Variants in GFRAL observed in about 807,000 individuals in gnomAD.
GFRAL encodes the protein GDNF family receptor alpha like.
In GFRAL, 36 loss-of-function variants were observed where a neutral mutation model predicts 45.4. The observed-to-expected ratio is 0.79, with a 90% CI of 0.61 to 1.05. The LOEUF is 1.05. Ranked by LOEUF, GFRAL falls within the 50% of genes least tolerant of loss-of-function variation. GFRAL has a pLI of 0.00. For synonymous variants in GFRAL, 166 were observed against 154.1 expected, an observed-to-expected ratio of 1.08 and a Z score of -0.57; for missense variants, 507 against 467.5, an observed-to-expected ratio of 1.08 and a Z score of -0.78.
chr6:55,345,894 A>G (rs968487257), intron 3 of GFRAL, among the ~76,000 whole-genome samples: 3 of 152,242 alleles, frequency 2.0e-5, no homozygotes, highest in Admixed American at 2.0e-4. Flanking sequence ...ATGAACAGAC[A>G]CTTCTCAAAA....
At chr6:55,334,439 C>T (rs1232907408) in intron 3 of GFRAL, among the ~76,000 whole-genome samples, 1 of 152,154 alleles carries the variant, frequency 6.6e-6, no homozygotes, top group African/African-American at 2.4e-5. Context: ...GGCTAATACA[C>T]TGGAGTAGGG....
intron 1 of GFRAL, among the ~76,000 whole-genome samples, chr6:55,329,369 G>A (rs1258783504): frequency 6.6e-6 from 1 of 152,120 alleles, no homozygotes; most frequent in Non-Finnish European, 1.5e-5. Flanking sequence ...AAGACAACAT[G>A]TAGTATTTCT....
At chr6:55,334,816 TTTTG>T (rs1367129443) in intron 3 of GFRAL, among the ~76,000 whole-genome samples, 3 of 152,192 alleles carry the variant, frequency 2.0e-5, no homozygotes, top group African/African-American at 7.2e-5. Flanking sequence ...ATTCAGTTTA[TTTTG>T]TTTAACATAA....
chr6:55,371,200 A>C (rs1431124656), intron 6 of GFRAL, among the ~76,000 whole-genome samples: 1 of 152,174 alleles, frequency 6.6e-6, no homozygotes, highest in African/African-American at 2.4e-5. Context: ...GTATGGCCCA[A>C]ATATTACAAT....
At chr6:55,353,516 A>C (rs770553095) in intron 5 of GFRAL, among the ~76,000 whole-genome samples, 1 of 151,768 alleles carries the variant, frequency 6.6e-6, no homozygotes, top group Admixed American at 6.6e-5. Flanking sequence ...GTATTCAAGA[A>C]TTTTTCATGC....
chr6:55,401,610 T>C (rs1343401349), intron 8 of GFRAL, among the ~76,000 whole-genome samples, 180 bp from the exon 9 acceptor site: 1 of 152,190 alleles, frequency 6.6e-6, no homozygotes, highest in Non-Finnish European at 1.5e-5. Flanking sequence ...ACATCATAGT[T>C]AAAGGTGTGA....
At chr6:55,392,659 A>G (rs1768768882) in intron 6 of GFRAL, among the ~76,000 whole-genome samples, 1 of 152,128 alleles carries the variant, frequency 6.6e-6, no homozygotes, top group Non-Finnish European at 1.5e-5. Flanking sequence ...TTCAAACCTC[A>G]GGGTGAAAAG....
intron 3 of GFRAL, among the ~76,000 whole-genome samples, chr6:55,338,588 A>C (rs1244878182): frequency 6.6e-6 from 1 of 152,168 alleles, no homozygotes; most frequent in Non-Finnish European, 1.5e-5. Flanking sequence ...ACATACACAC[A>C]CAGACAAAGT....
intron 6 of GFRAL, among the ~76,000 whole-genome samples, chr6:55,373,483 G>A (rs1768480888): frequency 6.6e-6 from 1 of 152,066 alleles, no homozygotes; most frequent in Non-Finnish European, 1.5e-5. Flanking sequence ...GATTTCTCAT[G>A]TACTTGCTTT....
chr6:55,351,209 T>G (rs1768111304), intron 4 of GFRAL, 44 bp from the exon 5 acceptor site: 1 of 1,346,104 alleles, frequency 7.4e-7, no homozygotes, highest in Non-Finnish European at 1.0e-6. Flanking sequence ...TATGTACAGC[T>G]TTGTGTTTAC....
intron 6 of GFRAL, among the ~76,000 whole-genome samples, chr6:55,378,826 T>G (rs1364623898): frequency 2.0e-5 from 3 of 152,050 alleles, no homozygotes; most frequent in East Asian, 1.9e-4. Context: ...GATTTCCTTT[T>G]ACCACTGGCT....
intron 6 of GFRAL, among the ~76,000 whole-genome samples, chr6:55,396,114 T>C (rs1378297264): frequency 6.6e-6 from 1 of 152,194 alleles, no homozygotes; most frequent in Non-Finnish European, 1.5e-5. Flanking sequence ...TCCAGTGGGC[T>C]TCAGTAGCCA....
chr6:55,353,743 A>T (rs1768150283), intron 5 of GFRAL, among the ~76,000 whole-genome samples: 1 of 152,102 alleles, frequency 6.6e-6, no homozygotes, highest in Non-Finnish European at 1.5e-5. Context: ...TTTAAGGTCA[A>T]TAACAAAGAC....
chr6:55,361,803 G>T (rs1283008465), intron 6 of GFRAL, among the ~76,000 whole-genome samples: 7 of 151,934 alleles, frequency 4.6e-5, no homozygotes, highest in Admixed American at 4.6e-4. Flanking sequence ...CAAAAGATCG[G>T]TCATTACAGT....
intron 6 of GFRAL, among the ~76,000 whole-genome samples, chr6:55,388,396 G>T (rs143244652): frequency 2.0e-5 from 3 of 152,248 alleles, no homozygotes; most frequent in East Asian, 1.9e-4. Context: ...GTGCGTCACT[G>T]GTGTCTGTGT....
At chr6:55,388,948 A>C (rs1768713987) in intron 6 of GFRAL, among the ~76,000 whole-genome samples, 1 of 152,006 alleles carries the variant, frequency 6.6e-6, no homozygotes, top group Non-Finnish European at 1.5e-5. Flanking sequence ...TAAGTATTTC[A>C]TTTCCACTAG....
intron 6 of GFRAL, among the ~76,000 whole-genome samples, chr6:55,367,866 C>T (rs1041029236): frequency 6.6e-6 from 1 of 151,712 alleles, no homozygotes; most frequent in Non-Finnish European, 1.5e-5. Flanking sequence ...TCTCTGGCTG[C>T]CCTTAACATT....
intron 6 of GFRAL, among the ~76,000 whole-genome samples, chr6:55,373,751 T>C (rs1446809080): frequency 6.6e-6 from 1 of 152,038 alleles, no homozygotes; most frequent in East Asian, 1.9e-4. Flanking sequence ...TCTTCAACTT[T>C]TTTTTTTTAA....
intron 3 of GFRAL, among the ~76,000 whole-genome samples, chr6:55,339,356 A>C (rs1446281745): frequency 5.3e-5 from 8 of 152,044 alleles, no homozygotes; most frequent in Admixed American, 5.2e-4. Flanking sequence ...TTGCAATGAT[A>C]AAAAAATAGT....
Sources: gnomAD v4.1 joint callset for allele counts (sites outside exome capture counted in the v4.1 genomes callset) on GRCh38, gnomAD v4.1.1 for gene constraint, MANE v1.5 for transcripts, NCBI Gene and HGNC (gene_info 2026-07-23, HGNC 2026-07-21) for gene names.